DAB1: variants seen among roughly 807,000 people sequenced by gnomAD.
DAB1 encodes DAB adaptor protein 1.
A neutral mutation model predicts 64.6 loss-of-function variants in DAB1; 15 were observed. The ratio of observed to expected loss-of-function variants is 0.23; its 90% CI spans 0.16 to 0.36. DAB1 has a LOEUF of 0.36. DAB1 is among the 10% of genes least tolerant of loss of function. The pLI is 1.00. For synonymous variants in DAB1, 235 were observed against 251.9 expected, an observed-to-expected ratio of 0.93 and a Z score of 0.64; for missense variants, 596 against 706.7, an observed-to-expected ratio of 0.84 and a Z score of 1.78.
In DAB1 at chr1:57,010,689, C is replaced by A. The variant is rs369711925; in HGVS notation, c.*6G>T. On this transcript the variant is annotated 3_prime_UTR_variant, in exon 14 of 15. Coordinates refer to ENST00000371236, the MANE Select transcript of DAB1 (RefSeq NM_001365792.1). ...AAGGACAGATACCTACCCAGACCTG[C>A]GCTATCTAGCTACCGGCCTGTGGAC... 3.2e-6 allele frequency: 5 copies of A among 1,543,224 alleles called. No homozygotes were observed. Among genetic ancestry groups the A allele is most frequent in the Non-Finnish European group, 4.4e-6 (5 of 1,139,078 alleles).
chr1:58,538,788 AT>A (rs773160786), intron 1 of DAB1: 8 of 760,102 alleles, frequency 1.1e-5, no homozygotes, highest in Non-Finnish European at 1.6e-5. Context: ...CTAAAAAAGC[AT>A]TTTACCTGCC....
At chr1:57,630,171 A>G (rs1000639488) in intron 7 of DAB1, among the ~76,000 whole-genome samples, 1 of 152,180 alleles carries the variant, frequency 6.6e-6, no homozygotes, top group Admixed American at 6.5e-5. Context: ...TTTCATTTGC[A>G]GGGCAACAAA....
chr1:57,752,508 T>A (rs996893093), intron 6 of DAB1, among the ~76,000 whole-genome samples: 3 of 152,182 alleles, frequency 2.0e-5, no homozygotes, highest in Non-Finnish European at 4.4e-5. Context: ...AATGAATTAT[T>A]CTCTGTTCAT....
chr1:57,264,810 G>A (rs1464787838), intron 2 of DAB1, among the ~76,000 whole-genome samples: 4 of 152,148 alleles, frequency 2.6e-5, no homozygotes, highest in Admixed American at 6.5e-5. Context: ...TTGGTCTTAA[G>A]ATGCTTTCTG....
At chr1:56,999,246 CA>C (rs773924576) in intron 14 of DAB1, among the ~76,000 whole-genome samples, 55 of 152,294 alleles carry the variant, frequency 3.6e-4, no homozygotes, top group South Asian at 1.2e-3. Flanking sequence ...CCTTGTAAGG[CA>C]GATGCTTTAT....
chr1:57,273,499 C>A (rs914864886), intron 2 of DAB1, among the ~76,000 whole-genome samples: 1 of 151,908 alleles, frequency 6.6e-6, no homozygotes, highest in Non-Finnish European at 1.5e-5. Context: ...GCGCCAACAT[C>A]TAAGATGCAT....
chr1:57,762,885 C>T (rs1367949230), intron 6 of DAB1, among the ~76,000 whole-genome samples: 2 of 152,180 alleles, frequency 1.3e-5, no homozygotes, highest in African/African-American at 2.4e-5. Context: ...AAATTCGAAG[C>T]AACTATTCAT....
At chr1:57,890,447 T>C (rs1474465387) in intron 5 of DAB1, among the ~76,000 whole-genome samples, 2 of 135,504 alleles carry the variant, frequency 1.5e-5, no homozygotes, top group Non-Finnish European at 3.1e-5. Context: ...CTTTTCTTTC[T>C]TTTCTTTTCT....
At chr1:57,758,056 A>G (rs750781842) in intron 6 of DAB1, among the ~76,000 whole-genome samples, 1 of 152,166 alleles carries the variant, frequency 6.6e-6, no homozygotes, top group Non-Finnish European at 1.5e-5. Flanking sequence ...GCCTCAAGCA[A>G]TTCTGCTGCC....
chr1:57,948,727 CT>C (rs1645221047), intron 5 of DAB1, among the ~76,000 whole-genome samples: 1 of 152,170 alleles, frequency 6.6e-6, no homozygotes, highest in Non-Finnish European at 1.5e-5. Flanking sequence ...GATATGTTCT[CT>C]CTTGTACTTG....
intron 7 of DAB1, among the ~76,000 whole-genome samples, chr1:57,619,807 T>C (rs1645834692): frequency 6.6e-6 from 1 of 152,086 alleles, no homozygotes; most frequent in Non-Finnish European, 1.5e-5. Context: ...ACTGCCAAGC[T>C]TCATCCTGGG....
At chr1:58,161,345 A>T (rs2100749689) in intron 4 of DAB1, among the ~76,000 whole-genome samples, 1 of 152,280 alleles carries the variant, frequency 6.6e-6, no homozygotes, top group East Asian at 1.9e-4. Context: ...GAATAAAACG[A>T]TTTTTATTTC....
chr1:57,069,478 T>C lies in DAB1; in HGVS notation c.598-53A>G, dbSNP rs748710126. The C allele has an allele frequency of 1.3e-5, 19 of 1,455,398 alleles. No homozygotes were observed. The Admixed American group carries it at 2.4e-4, about 18-fold the overall frequency. The allele number at this position is 1,455,398 out of a possible 1,614,324, so 90.2% of individuals were successfully genotyped here. A position where few individuals can be genotyped will look rare whatever the true frequency, so the allele number is the denominator to read the frequency against. On this transcript the variant is annotated intron_variant, in intron 7 of 14. Coordinates refer to ENST00000371236, the MANE Select transcript of DAB1 (RefSeq NM_001365792.1). ...GGTCAGAGGTGAAAAAGAAGAAAGG[T>C]AAAACAAGCATTTGGAAATTAAGAT...
chr1:57,544,176 T>G (rs1644832366), intron 7 of DAB1, among the ~76,000 whole-genome samples: 1 of 152,176 alleles, frequency 6.6e-6, no homozygotes, highest in Non-Finnish European at 1.5e-5. Context: ...AACCAATGCA[T>G]GAGAATATGC....
intron 4 of DAB1, among the ~76,000 whole-genome samples, chr1:58,178,933 C>T (rs890795911): frequency 6.6e-6 from 1 of 152,078 alleles, no homozygotes; most frequent in African/African-American, 2.4e-5. Context: ...CCATTAAGTA[C>T]GACATTAGCT....
intron 6 of DAB1, among the ~76,000 whole-genome samples, chr1:57,743,561 A>G (rs963120564): frequency 6.6e-6 from 1 of 152,194 alleles, no homozygotes; most frequent in South Asian, 2.1e-4. Context: ...ATGCGCGTGA[A>G]AGGTACCTTG....
chr1:57,386,215 G>A (rs1681815708), intron 1 of DAB1, among the ~76,000 whole-genome samples: 1 of 151,990 alleles, frequency 6.6e-6, no homozygotes, highest in Admixed American at 6.6e-5. Context: ...TTTGAATAGG[G>A]ACTGTTCTAG....
chr1:57,712,459 T>A (rs1194285450), intron 6 of DAB1, among the ~76,000 whole-genome samples: 2 of 152,246 alleles, frequency 1.3e-5, no homozygotes, highest in African/African-American at 2.4e-5. Flanking sequence ...TTTTTGGGAA[T>A]TGTGTAGCAA....
intron 7 of DAB1, among the ~76,000 whole-genome samples, chr1:57,545,117 T>C (rs1644842486): frequency 1.3e-5 from 2 of 152,218 alleles, no homozygotes; most frequent in Admixed American, 1.3e-4. Flanking sequence ...CCTCAGCCTC[T>C]AGGCTTGAAC....
Sources: gnomAD v4.1 joint callset for allele counts (sites outside exome capture counted in the v4.1 genomes callset) on GRCh38, gnomAD v4.1.1 for gene constraint, MANE v1.5 for transcripts, NCBI Gene and HGNC (gene_info 2026-07-23, HGNC 2026-07-21) for gene names.